Variants in SLC4A9 observed in about 807,000 individuals in gnomAD.
SLC4A9 encodes the protein anion exchange protein 4.
SLC4A9 carries 102 observed loss-of-function variants against 103.2 expected under a neutral mutation model. The ratio of observed to expected loss-of-function variants is 0.99; its 90% CI spans 0.84 to 1.17. SLC4A9 has a LOEUF of 1.17. Among genes scored for constraint, SLC4A9 ranks in the 50% most tolerant of loss-of-function variants. The pLI is 0.00. For synonymous variants in SLC4A9, 453 were observed against 483.6 expected (o/e 0.94, Z 0.83); for missense variants, 1,091 against 1,193.7 (o/e 0.91, Z 1.27).
rs770609587 is a variant in SLC4A9 at position 140,367,815 on chromosome 5, C to A, written c.2271C>A (p.Val757=). 10 of 1,613,890 alleles carry A rather than the reference C, an allele frequency of 6.2e-6. No individual in the cohort carries two copies. In the Admixed American group the frequency reaches 1.3e-4, roughly 22 times the overall value. ...LGLPWYVSAT[V]ISLAHMDSLR... is the part of the protein sequence containing the mutation. ...TGCCTTGGTATGTCTCAGCCACTGT[C>A]ATCTCCCTGGCTCACATGGACAGTC... The change falls in exon 16 of 22, where the codon GTC becomes GTA. Residue 757 remains valine (V), a synonymous_variant. Coordinates refer to ENST00000506757, the MANE Select transcript of SLC4A9 (RefSeq NM_031467.3).
chr5:140,364,732 A>T (rs1487071855), intron 11 of SLC4A9, 107 bp downstream of exon 11: 2 of 1,352,186 alleles, frequency 1.5e-6, no homozygotes, highest in African/African-American at 2.9e-5. Flanking sequence ...AATGCTGCAT[A>T]CTTACCCAAT....
Position 140,363,166 on chromosome 5 carries a change from ACCTATC to A in SLC4A9, c.962+101_962+106del. The A allele has an allele frequency of 1.4e-6, 2 of 1,448,014 alleles. No homozygotes were observed. Among genetic ancestry groups the A allele is most frequent in the Non-Finnish European group, 1.9e-6 (2 of 1,072,518 alleles). The allele number at this position is 1,448,014 out of a possible 1,614,324, so 89.7% of individuals were successfully genotyped here. A position where few individuals can be genotyped will look rare whatever the true frequency, so the allele number is the denominator to read the frequency against. On this transcript the variant is annotated intron_variant, in intron 7 of 21. Coordinates refer to ENST00000506757, the MANE Select transcript of SLC4A9 (RefSeq NM_031467.3). The surrounding 1 kb of genome is among the most constrained non-coding windows in gnomAD (Gnocchi z 4.5). ...GTGGTGTCCCAGGAAAGAGATAGGG[ACCTATC>A]TTTGGATTTGGAGTCAGGCAGACCT...
In SLC4A9 at chr5:140,364,533, T is replaced by C. The variant is rs1364257602; in HGVS notation, c.1559T>C (p.Val520Ala). ...AGCCTCATCTTCATCTACGATGCTG[T>C]GGGCAAAATGCTGAACTTGACCCAT... Reference protein sequence around the residue: ...LISLIFIYDAVGKMLNLTHTY... With the variant: ...LISLIFIYDAAGKMLNLTHTY... Residue 520 changes from valine to alanine, a missense_variant, in exon 11 of 22, where the codon GTG (valine) becomes GCG (alanine). By Grantham distance (64) the Val-to-Ala change is moderately conservative. Coordinates refer to ENST00000506757, the MANE Select transcript of SLC4A9 (RefSeq NM_031467.3). 1 of 1,609,356 alleles carries C rather than the reference T, an allele frequency of 6.2e-7. No homozygotes were observed. The highest frequency in any genetic ancestry group is 2.2e-5 in the East Asian group (1 of 44,732).
Position 140,362,471 on chromosome 5 carries a change from G to C in SLC4A9, c.746G>C (p.Cys249Ser). Residue 249 changes from cysteine (C) to serine (S), a missense_variant, in exon 6 of 22, where the codon TGT becomes TCT. Cys to Ser is a moderately radical substitution (Grantham distance 112). Coordinates refer to ENST00000506757, the MANE Select transcript of SLC4A9 (RefSeq NM_031467.3). The stretch of plus-strand genomic sequence containing the variant: ...TTTTTCTGCCTTCTCCTGGGCCCCT[G>C]TATGCTGGGAAAGGGCTACCATGAG... ...SRFFCLLLGP[C>S]MLGKGYHEMG... 2 of 1,614,018 alleles carry C rather than the reference G, an allele frequency of 1.2e-6. No homozygotes were observed. The highest frequency in any genetic ancestry group is 1.7e-6 in the Non-Finnish European group (2 of 1,179,884).
chr5:140,371,423 T>C (rs1210682772), intron 18 of SLC4A9, 28 bp from the exon 19 acceptor site: 1 of 1,613,414 alleles, frequency 6.2e-7, no homozygotes, highest in South Asian at 1.1e-5. Context: ...CTGAGTGCCC[T>C]GCTTTCCTCT....
In SLC4A9 at chr5:140,362,170, A is replaced by C. The variant is rs1168782408; in HGVS notation, c.715A>C (p.Ser239Arg). Residue 239 changes from serine (S) to arginine (R), a missense_variant, in exon 5 of 22, where the codon AGC becomes CGC. By Grantham distance (110) the Ser-to-Arg change is moderately radical. Coordinates refer to ENST00000506757, the MANE Select transcript of SLC4A9 (RefSeq NM_031467.3). ...GTCCCTTACTGAGGTGTCCCTCCCA[A>C]GCAGGTGAGGCTACTGAGTGAGTGG... ...LGSLTEVSLP[S>R]RFFCLLLGPC... is the part of the protein sequence containing the mutation. 3 of 1,533,782 alleles carry C rather than the reference A, an allele frequency of 2.0e-6. No homozygotes were observed. The highest frequency in any genetic ancestry group is 2.6e-6 in the Non-Finnish European group (3 of 1,147,572).
intron 10 of SLC4A9, 74 bp downstream of exon 10, chr5:140,364,261 GA>G: frequency 6.3e-7 from 1 of 1,580,904 alleles, no homozygotes; most frequent in South Asian, 1.2e-5. Flanking sequence ...GTGAATAGGA[GA>G]GAGTGGGAGC....
At position 140,372,395 on chromosome 5, in the gene SLC4A9, G is replaced by T. The variant is rs1485338230; in HGVS notation, c.2824G>T (p.Asp942Tyr). The T allele has an allele frequency of 6.2e-7, 1 of 1,609,938 alleles. No homozygotes were observed. Among genetic ancestry groups the T allele is most frequent in the Non-Finnish European group, 8.5e-7 (1 of 1,179,000 alleles). The change falls in exon 20 of 22, where the codon GAT (aspartate) becomes TAT (tyrosine). Residue 942 changes from aspartate (D) to tyrosine (Y), a missense_variant and splice_region_variant. Transcript: ENST00000506757. ...CTCATTCAGTGGAAGTGACAGTGAA[G>T]ATGTGAGCTCCAGGCTGGGTCCTCT... ...EHSFSGSDSEDSELMYQPKAP... is the reference protein window; with the variant it reads ...EHSFSGSDSEYSELMYQPKAP...
rs2126756013 is a variant in SLC4A9, at chr5:140,363,824, A to G, written c.1176A>G (p.Val392=). The G allele has an allele frequency of 6.2e-7, 1 of 1,613,842 alleles. No individual in the cohort carries two copies. The highest frequency in any genetic ancestry group is 8.5e-7 in the Non-Finnish European group (1 of 1,179,848). The stretch of plus-strand genomic sequence containing the variant: ...TGCATCTCCAGTGCTTCTCGGCCGT[A>G]CTCTACATTTACCTGGCCACTGTCA... ...DALHLQCFSA[V]LYIYLATVTN... Residue 392 remains valine (V), a synonymous_variant, in exon 9 of 22, where the codon GTA becomes GTG. Coordinates refer to ENST00000506757, the MANE Select transcript of SLC4A9 (RefSeq NM_031467.3). The surrounding 1 kb of genome is among the most constrained non-coding windows in gnomAD (Gnocchi z 4.5).
At chr5:140,360,780 T>C (rs780203425) in intron 1 of SLC4A9, 32 bp from the exon 2 acceptor site, 3 of 1,612,876 alleles carry the variant, frequency 1.9e-6, no homozygotes, top group Non-Finnish European at 2.5e-6. Context: ...AGAAATGCCC[T>C]CAATAACACT....
In SLC4A9 at chr5:140,372,239, C is replaced by A. The variant is rs1768832349; in HGVS notation, c.2671-3C>A. ...GGCCTGGGCCATGTTTCTATTCCTGCAGTTGCTGGGCCTTGTGGGGGTCCG... is the reference window on the plus strand; with the variant it reads ...GGCCTGGGCCATGTTTCTATTCCTGAAGTTGCTGGGCCTTGTGGGGGTCCG... On this transcript the variant is annotated splice_polypyrimidine_tract_variant and splice_region_variant and intron_variant, in intron 19 of 21. Coordinates refer to ENST00000506757, the MANE Select transcript of SLC4A9 (RefSeq NM_031467.3). 2 of 1,548,718 alleles carry A rather than the reference C, an allele frequency of 1.3e-6. No homozygotes were observed. Among genetic ancestry groups the A allele is most frequent in the Non-Finnish European group, 1.7e-6 (2 of 1,154,388 alleles).
Position 140,362,990 on chromosome 5 carries a change from AC to A in SLC4A9, c.887del (p.Thr296LysfsTer42). On this transcript the variant is annotated frameshift_variant, in exon 7 of 22. Transcript: ENST00000506757. LOFTEE classifies it high-confidence loss of function. ...CCTGGATGCATTCCTAGAGGAGGTG[AC>A]AGTGCTTCCCCCAGGTCGGTGGGAC... ...AALDAFLEEV[T>X]VLPPGRWDPT... 1.2e-6 allele frequency: 2 copies of A among 1,612,710 alleles called. No homozygotes were observed. Among genetic ancestry groups the A allele is most frequent in the Non-Finnish European group, 1.7e-6 (2 of 1,179,524 alleles).
intron 17 of SLC4A9, among the ~76,000 whole-genome samples, chr5:140,369,111 G>A (rs1470766174): frequency 6.6e-6 from 1 of 151,766 alleles, no homozygotes; most frequent in Non-Finnish European, 1.5e-5. Context: ...TCACTTGAGC[G>A]CAGAAGTTTG....
Position 140,363,473 on chromosome 5 carries a change from G to A in SLC4A9, c.997G>A (p.Ala333Thr). The change falls in exon 8 of 22, where the codon GCC (alanine) becomes ACC (threonine). Residue 333 changes from alanine to threonine, a missense_variant. Transcript: ENST00000506757. The surrounding 1 kb of genome is among the most constrained non-coding windows in gnomAD (Gnocchi z 4.5). ...PSQQREIRGPAVPRLTSAEDR... is the reference protein window; with the variant it reads ...PSQQREIRGPTVPRLTSAEDR... ...GCAACAGCGGGAGATCAGAGGTCCC[G>A]CCGTCCCGCGCCTGACCTCGGCTGA... 1.9e-6 allele frequency: 3 copies of A among 1,551,226 alleles called. No homozygotes were observed. Among genetic ancestry groups the A allele is most frequent in the Non-Finnish European group, 2.6e-6 (3 of 1,147,018 alleles).
At position 140,361,760 on chromosome 5, in the gene SLC4A9, C is replaced by T. The variant is rs780547286; in HGVS notation, c.506-48C>T. The T allele has an allele frequency of 7.5e-6, 12 of 1,601,468 alleles. No individual in the cohort carries two copies. In the Admixed American group the frequency reaches 1.8e-4, roughly 25 times the overall value. The stretch of plus-strand genomic sequence containing the variant: ...AGTGATTAGGGAATCCTGGTGGATC[C>T]ACCCCCAAAGCCTGTGGTCTTAATC... On this transcript the variant is annotated intron_variant, in intron 3 of 21. Transcript: ENST00000506757.
rs201446448 is a variant in SLC4A9 at position 140,362,501 on chromosome 5, G to A, written c.776G>A (p.Gly259Glu). ...CTGGGAAAGGGCTACCATGAGATGGGACGGGCAGCAGCTGTCCTCCTCAGT... is the reference window on the plus strand; with the variant it reads ...CTGGGAAAGGGCTACCATGAGATGGAACGGGCAGCAGCTGTCCTCCTCAGT... Reference protein sequence around the residue: ...CMLGKGYHEMGRAAAVLLSDP... With the variant: ...CMLGKGYHEMERAAAVLLSDP... The change falls in exon 6 of 22, where the codon GGA becomes GAA. Residue 259 changes from glycine (G) to glutamate (E), a missense_variant. Transcript: ENST00000506757. 1.8e-4 allele frequency: 284 copies of A among 1,613,894 alleles called. No homozygotes were observed. The highest frequency in any genetic ancestry group is 4.8e-5 in the Non-Finnish European group (57 of 1,179,888).
At chr5:140,371,306 CTCT>C (rs1267053161) in intron 18 of SLC4A9, 142 bp from the exon 19 acceptor site, 13 of 1,388,050 alleles carry the variant, frequency 9.4e-6, no homozygotes, top group Middle Eastern at 1.9e-4. Context: ...CCCTCTTACT[CTCT>C]TTTTCCTGTC....
At position 140,363,961 on chromosome 5, in the gene SLC4A9, C is replaced by G. The variant is rs1767506576; in HGVS notation, c.1254+59C>G. On this transcript the variant is annotated intron_variant, in intron 9 of 21. Coordinates refer to ENST00000506757, the MANE Select transcript of SLC4A9 (RefSeq NM_031467.3). The surrounding 1 kb of genome is among the most constrained non-coding windows in gnomAD (Gnocchi z 4.5). ...GGTGTCCCCTAGTCCATCCCTTCCC[C>G]TGGGACTATGGGTAAGTTAAGGAGG... 1.3e-6 allele frequency: 2 copies of G among 1,584,506 alleles called. No individual in the cohort carries two copies. The highest frequency in any genetic ancestry group is 4.5e-5 in the East Asian group (2 of 44,520).
At chr5:140,366,671 A>G (rs1767936540) in intron 14 of SLC4A9, among the ~76,000 whole-genome samples, 1 of 152,250 alleles carries the variant, frequency 6.6e-6, no homozygotes, top group Non-Finnish European at 1.5e-5. Flanking sequence ...TTTACAGAAG[A>G]TCACAGTGGA....
Sources: allele counts gnomAD v4.1 joint callset (sites outside exome capture counted in the v4.1 genomes callset), GRCh38; gene constraint gnomAD v4.1.1; non-coding constraint Gnocchi (gnomAD v3.1); transcripts MANE v1.5; gene names NCBI Gene and HGNC (gene_info 2026-07-23, HGNC 2026-07-21).